Variants in PTGES3 observed in about 807,000 individuals in gnomAD.
PTGES3 encodes the protein prostaglandin E synthase 3.
Under a neutral mutation model 29.9 loss-of-function variants are expected in PTGES3, and 5 were observed. The observed-to-expected ratio is 0.17, with a 90% confidence interval of 0.09 to 0.35. PTGES3 has a LOEUF of 0.35. PTGES3 is among the 10% of genes least tolerant of loss of function. The pLI is 1.00. For synonymous variants in PTGES3, 49 were observed against 57.8 expected (o/e 0.85, Z 0.69); for missense variants, 128 against 190.0 (o/e 0.67, Z 1.92).
intron 5 of PTGES3, among the ~76,000 whole-genome samples, chr12:56,666,954 C>G (rs1330030696): frequency 6.6e-6 from 1 of 150,660 alleles, no homozygotes; most frequent in Admixed American, 6.6e-5. Flanking sequence ...GAGTCTTGCT[C>G]TGTTGCCCAG....
At chr12:56,674,986 A>G (rs185563079) in intron 1 of PTGES3, among the ~76,000 whole-genome samples, 3,120 of 121,110 alleles carry the variant, frequency 0.026, 52 homozygotes, top group Non-Finnish European at 0.037. Flanking sequence ...CCTGGGCAAC[A>G]AGAGTGAAAC....
At chr12:56,664,528 T>C (rs373389901) in intron 7 of PTGES3, 30 bp from the exon 8 acceptor site, 6 of 1,580,950 alleles carry the variant, frequency 3.8e-6, no homozygotes, top group African/African-American at 1.4e-5. Flanking sequence ...TATTAGTATA[T>C]AGTACAAGTG....
At chr12:56,680,078 G>GTT (rs111760867) in intron 1 of PTGES3, among the ~76,000 whole-genome samples, 11,462 of 139,480 alleles carry the variant, frequency 0.082, 606 homozygotes, top group African/African-American at 0.14. Flanking sequence ...ATTGGTTTTG[G>GTT]TTTTTTTTTT....
chr12:56,685,599 A>G (rs1186284098), intron 1 of PTGES3, among the ~76,000 whole-genome samples: 2 of 150,190 alleles, frequency 1.3e-5, no homozygotes, highest in Non-Finnish European at 3.0e-5. Flanking sequence ...ACGGGGTTTC[A>G]CCGTGTTAGC....
chr12:56,670,461 C>A (rs1341120862), intron 4 of PTGES3, 97 bp from the exon 5 acceptor site: 4 of 855,628 alleles, frequency 4.7e-6, no homozygotes, highest in Non-Finnish European at 5.8e-6. Flanking sequence ...GAGACCAGGT[C>A]TTGCTATGTT....
chr12:56,665,126 G>T, intron 6 of PTGES3: 1 of 985,206 alleles, frequency 1.0e-6, no homozygotes, highest in Non-Finnish European at 1.2e-6. Flanking sequence ...ACTGATAGAA[G>T]ACAGTGAACT....
At chr12:56,685,622 G>C (rs954456992) in intron 1 of PTGES3, among the ~76,000 whole-genome samples, 4 of 150,692 alleles carry the variant, frequency 2.7e-5, no homozygotes, top group Admixed American at 6.6e-5. Context: ...GGATGGTCTC[G>C]ATCTCCTGAC....
At chr12:56,671,975 G>GACT in intron 3 of PTGES3, 128 bp from the exon 4 acceptor site, 1 of 516,346 alleles carries the variant, frequency 1.9e-6, no homozygotes, top group Non-Finnish European at 3.2e-6. Context: ...ACATGCCCTT[G>GACT]ACTACTAAAA....
chr12:56,681,298 G>A (rs750480662), intron 1 of PTGES3, among the ~76,000 whole-genome samples: 194 of 152,026 alleles, frequency 1.3e-3, no homozygotes, highest in Admixed American at 4.6e-3. Context: ...CAACACTTTG[G>A]GAGGCCGAGG....
chr12:56,683,428 G>T (rs1372124564), intron 1 of PTGES3, among the ~76,000 whole-genome samples: 1 of 125,728 alleles, frequency 8.0e-6, no homozygotes, highest in Non-Finnish European at 1.6e-5. Flanking sequence ...AGCCGAGACC[G>T]TGACATTGCA....
intron 1 of PTGES3, among the ~76,000 whole-genome samples, chr12:56,676,132 G>T (rs1445592693): frequency 6.9e-6 from 1 of 144,978 alleles, no homozygotes; most frequent in African/African-American, 2.6e-5. Context: ...AGGCTGGGAG[G>T]GGGAGGGGGA....
intron 1 of PTGES3, among the ~76,000 whole-genome samples, chr12:56,678,940 G>GACCAC (rs1952395814): frequency 6.6e-6 from 1 of 152,094 alleles, no homozygotes; most frequent in Non-Finnish European, 1.5e-5. Flanking sequence ...AACACTGCGA[G>GACCAC]ACCACATCTC....
chr12:56,675,004 CAAAAAAAA>C (rs1177350725), intron 1 of PTGES3, among the ~76,000 whole-genome samples: 5 of 32,358 alleles, frequency 1.5e-4, no homozygotes, highest in African/African-American at 2.3e-4. Flanking sequence ...AACTCGGTCT[CAAAAAAAA>C]AAAAAAAAAA....
intron 1 of PTGES3, among the ~76,000 whole-genome samples, chr12:56,674,854 A>T (rs11171929): frequency 7.6e-6 from 1 of 132,328 alleles, no homozygotes; most frequent in African/African-American, 3.0e-5. Context: ...AAAAAAAAAA[A>T]TTCGCCAGGC....
intron 1 of PTGES3, among the ~76,000 whole-genome samples, chr12:56,673,491 A>G (rs948093493): frequency 8.0e-6 from 1 of 124,296 alleles, no homozygotes; most frequent in African/African-American, 4.2e-5. Context: ...TACGGAAAAA[A>G]AAAAAAAAAA....
chr12:56,665,072 T>TCG, intron 6 of PTGES3: 2 of 985,378 alleles, frequency 2.0e-6, no homozygotes, highest in South Asian at 9.4e-5. Flanking sequence ...TTAACCTATC[T>TCG]CGGCATTCAA....
intron 5 of PTGES3, 90 bp downstream of exon 5, chr12:56,670,185 A>G (rs1951948998): frequency 4.9e-6 from 4 of 809,942 alleles, no homozygotes; most frequent in Non-Finnish European, 4.2e-6. Context: ...CATCATGAAT[A>G]CCATTAGGTG....
At chr12:56,669,262 G>A (rs146900373) in intron 5 of PTGES3, among the ~76,000 whole-genome samples, 11,232 of 151,970 alleles carry the variant, frequency 0.074, 1,015 homozygotes, top group African/African-American at 0.22. Flanking sequence ...TAGCGATCTC[G>A]GCTCACCGCA....
chr12:56,685,394 CTTTTCTTTTT>C (rs1254349673), intron 1 of PTGES3, among the ~76,000 whole-genome samples: 23 of 96,902 alleles, frequency 2.4e-4, no homozygotes, highest in African/African-American at 5.2e-4. Flanking sequence ...AGCATTTTTT[CTTTTCTTTTT>C]TTTTTTTTTT....
Sources: allele counts gnomAD v4.1 joint callset (sites outside exome capture counted in the v4.1 genomes callset), GRCh38; gene constraint gnomAD v4.1.1; transcripts MANE v1.5; gene names NCBI Gene and HGNC (gene_info 2026-07-23, HGNC 2026-07-21).